Variants in NCAPD2 observed in about 807,000 individuals in gnomAD.
The protein encoded by NCAPD2 is non-SMC condensin I complex subunit D2.
Under a neutral mutation model 164.5 loss-of-function variants are expected in NCAPD2, and 100 were observed. The observed-to-expected ratio is 0.61, with a 90% CI of 0.52 to 0.72. The LOEUF (loss-of-function observed/expected upper bound fraction) is 0.72, where lower values mean the gene tolerates loss of function less well. Among genes scored for constraint, NCAPD2 ranks in the 30% least tolerant of loss-of-function variants. The probability of loss-of-function intolerance (pLI) is 0.00; values close to 1 mark genes in which losing one functional copy is unlikely to be tolerated. For missense variants in NCAPD2, 1,560 were observed against 1,749.2 expected (o/e 0.89, Z 1.93); for synonymous variants, 585 against 642.6 (o/e 0.91, Z 1.36).
rs762596170 is a variant in NCAPD2 at position 6,521,848 on chromosome 12, A to G, written c.1765A>G (p.Met589Val). Residue 589 changes from methionine (M) to valine (V), a missense_variant, in exon 15 of 32, where the codon ATG becomes GTG. By Grantham distance (21) the Met-to-Val change is conservative. Coordinates refer to ENST00000315579, the MANE Select transcript of NCAPD2 (RefSeq NM_014865.4). Reference sequence around the variant, plus strand: ...GAATCCCCGGGAGTCTACAGGAAACATGGTCACAGGACAGACTGTCTGTAA... The same window carrying G: ...GAATCCCCGGGAGTCTACAGGAAACGTGGTCACAGGACAGACTGTCTGTAA... ...EKNPRESTGN[M>V]VTGQTVCKNK... 6.2e-6 allele frequency: 10 copies of G among 1,614,044 alleles called. No homozygotes were observed. Among genetic ancestry groups the G allele is most frequent in the Non-Finnish European group, 1.7e-6 (2 of 1,180,014 alleles).
At chr12:6,507,755 T>G (rs952703313) in intron 2 of NCAPD2, among the ~76,000 whole-genome samples, 2 of 152,290 alleles carry the variant, frequency 1.3e-5, no homozygotes, top group Middle Eastern at 3.4e-3. Context: ...AAAGCTAGTC[T>G]TCTTTCCAAA....
At chr12:6,494,582 A>T (rs986922975) in intron 1 of NCAPD2, among the ~76,000 whole-genome samples, 1 of 152,244 alleles carries the variant, frequency 6.6e-6, no homozygotes, top group African/African-American at 2.4e-5. Context: ...CCACTAGCCC[A>T]TGCTGGGGCA....
At chr12:6,522,756 G>A in intron 15 of NCAPD2, 72 bp from the exon 16 acceptor site, 2 of 1,536,974 alleles carry the variant, frequency 1.3e-6, no homozygotes, top group Non-Finnish European at 1.8e-6. Flanking sequence ...GCTACATTCA[G>A]AAAGGTTCTG....
chr12:6,495,609 T>C (rs1945972626), intron 2 of NCAPD2, among the ~76,000 whole-genome samples: 1 of 152,166 alleles, frequency 6.6e-6, no homozygotes, highest in Non-Finnish European at 1.5e-5. Flanking sequence ...TTGGAGTCTT[T>C]TTGGATGTGC....
chr12:6,500,283 A>G (rs1023741288), intron 2 of NCAPD2, among the ~76,000 whole-genome samples: 1 of 152,176 alleles, frequency 6.6e-6, no homozygotes, highest in Non-Finnish European at 1.5e-5. Flanking sequence ...TAAATAATAT[A>G]AAGAAGAAGA....
intron 4 of NCAPD2, 181 bp downstream of exon 4, chr12:6,510,314 G>A (rs777782171): frequency 2.8e-5 from 23 of 808,580 alleles, no homozygotes; most frequent in Non-Finnish European, 4.4e-5. Flanking sequence ...CTTGGTGGGC[G>A]ATACAGAGTT....
At position 6,504,204 on chromosome 12, in the gene NCAPD2, T is replaced by TATACATATATATATACATATATAC. The variant is rs1946073007; in HGVS notation, c.128-5510_128-5509insCATATATATATACATATATACATA. Among the ~76,000 whole-genome samples the TATACATATATATATACATATATAC allele has an allele frequency of 2.2e-4, 5 of 22,588 alleles. No individual in the cohort carries two copies. In the African/African-American group the frequency reaches 2.4e-3, roughly 11 times the overall value. 14.8% of individuals were successfully genotyped at this position (22,588 alleles called of 152,430 possible). On this transcript the variant is annotated intron_variant, in intron 2 of 31. Transcript: ENST00000315579. ...ATACATATATATATATATATATATATATATATATATATAGATATAGATATA... is the reference window on the plus strand; with the variant it reads ...ATACATATATATATATATATATATATATACATATATATATACATATATACATATATATATATAGATATAGATATA...
intron 21 of NCAPD2, 134 bp downstream of exon 21, chr12:6,526,749 G>T (rs1274073920): frequency 7.0e-7 from 1 of 1,426,750 alleles, no homozygotes; most frequent in Non-Finnish European, 9.6e-7. Context: ...GTTGAAGTTG[G>T]GCCAGTTCCC....
At chr12:6,526,023 G>A (rs1946313952) in intron 18 of NCAPD2, 45 bp from the exon 19 acceptor site, 5 of 1,606,318 alleles carry the variant, frequency 3.1e-6, no homozygotes, top group Non-Finnish European at 4.2e-6. Flanking sequence ...CCCCCGATGA[G>A]TCCAATCCAT....
intron 3 of NCAPD2, 34 bp from the exon 4 acceptor site, chr12:6,510,041 C>T (rs1192622105): frequency 1.3e-5 from 21 of 1,602,872 alleles, no homozygotes; most frequent in Middle Eastern, 1.7e-4. Flanking sequence ...CAGGCTCCTT[C>T]CTGTCTCACC....
rs1345812198 is a variant in NCAPD2 at position 6,504,702 on chromosome 12, TG to T, written c.128-5014del. On this transcript the variant is annotated intron_variant, in intron 2 of 31. Transcript: ENST00000315579. ...CCACCGCGTCGAGCCTTAATACATA[TG>T]TTTTTTATGTTATGTATATTATTTA... is the stretch of plus-strand genomic sequence containing the variant. Among the ~76,000 whole-genome samples, 3 of 152,244 alleles carry T rather than the reference TG, an allele frequency of 2.0e-5. No individual in the cohort carries two copies. In the East Asian group the frequency reaches 5.8e-4, roughly 29 times the overall value.
Position 6,526,366 on chromosome 12 carries a change from C to T in NCAPD2, c.2561C>T (p.Thr854Ile). Residue 854 changes from threonine to isoleucine, a missense_variant, in exon 20 of 32, where the codon ACA (threonine) becomes ATA (isoleucine). Coordinates refer to ENST00000315579, the MANE Select transcript of NCAPD2 (RefSeq NM_014865.4). ...RLFERLRETV[T>I]KGFVHPDPLW... ...TTTGAGCGACTGCGGGAGACAGTCA[C>T]AAAAGGTGAGCTCTCAGGGAAGGCC... is the stretch of plus-strand genomic sequence containing the variant. The T allele has an allele frequency of 3.1e-6, 5 of 1,614,154 alleles. No homozygotes were observed. Among genetic ancestry groups the T allele is most frequent in the Non-Finnish European group, 4.2e-6 (5 of 1,180,020 alleles).
chr12:6,517,038 T>C lies in NCAPD2; in HGVS notation c.1185+13T>C. 6.2e-7 allele frequency: 1 copy of C among 1,613,870 alleles called. No homozygotes were observed. The highest frequency in any genetic ancestry group is 8.5e-7 in the Non-Finnish European group (1 of 1,179,742). The stretch of plus-strand genomic sequence containing the variant: ...TGTCCAGCAGAAGGTAACCAACTTC[T>C]ATGTGGCAAAAACATATGGTACCTC... On this transcript the variant is annotated intron_variant, in intron 10 of 31. Coordinates refer to ENST00000315579, the MANE Select transcript of NCAPD2 (RefSeq NM_014865.4).
At chr12:6,504,206 T>TACACATATATATACAC (rs1345172579) in intron 2 of NCAPD2, among the ~76,000 whole-genome samples, 320 of 24,772 alleles carry the variant, frequency 0.013, 15 homozygotes, top group Admixed American at 0.044. Context: ...TATATATATA[T>TACACATATATATACAC]ATATATATAT....
chr12:6,523,406 T>C (rs1946286498), intron 17 of NCAPD2, 60 bp downstream of exon 17: 16 of 1,436,820 alleles, frequency 1.1e-5, no homozygotes, highest in Admixed American at 2.0e-5. Flanking sequence ...TTGTTTTTTT[T>C]TTTTTTTTTG....
intron 6 of NCAPD2, 130 bp from the exon 7 acceptor site, chr12:6,514,135 T>C (rs377070096): frequency 3.9e-6 from 5 of 1,274,082 alleles, no homozygotes; most frequent in African/African-American, 3.0e-5. Flanking sequence ...CAACTTGTTA[T>C]AGAAAGTAAT....
intron 13 of NCAPD2, among the ~76,000 whole-genome samples, chr12:6,518,508 T>TTTTTTTTTG (rs1565544120): frequency 2.2e-5 from 2 of 91,140 alleles, no homozygotes; most frequent in African/African-American, 1.0e-4. Flanking sequence ...CAACAAGTTT[T>TTTTTTTTTG]TTTTTTTTTT....
At chr12:6,523,907 A>G (rs977043304) in intron 17 of NCAPD2, among the ~76,000 whole-genome samples, 2 of 152,228 alleles carry the variant, frequency 1.3e-5, no homozygotes, top group Non-Finnish European at 2.9e-5. Flanking sequence ...TAGCAATAAT[A>G]ACAACCTCAC....
In NCAPD2 at chr12:6,530,980, C is replaced by T; in HGVS notation, c.4024C>T (p.Pro1342Ser). ...ASDNDFVTPE[P>S]RRTTRRHPNT... is the part of the protein sequence containing the mutation. ...AGACAATGACTTTGTCACACCAGAGCCCCGCCGTACTACCCGTCGGCATCC... is the reference window on the plus strand; with the variant it reads ...AGACAATGACTTTGTCACACCAGAGTCCCGCCGTACTACCCGTCGGCATCC... The change falls in exon 31 of 32, where the codon CCC becomes TCC. Residue 1342 changes from proline (P) to serine (S), a missense_variant. Pro to Ser is a moderately conservative substitution (Grantham distance 74, BLOSUM62 -1). Transcript: ENST00000315579. The T allele has an allele frequency of 6.2e-7, 1 of 1,614,218 alleles. No individual in the cohort carries two copies. Among genetic ancestry groups the T allele is most frequent in the Non-Finnish European group, 8.5e-7 (1 of 1,180,046 alleles).
Sources: gnomAD v4.1 joint callset for allele counts (sites outside exome capture counted in the v4.1 genomes callset) on GRCh38, gnomAD v4.1.1 for gene constraint, MANE v1.5 for transcripts, NCBI Gene and HGNC (gene_info 2026-07-23, HGNC 2026-07-21) for gene names.